Variants in CNGA3 observed in about 807,000 individuals in gnomAD.
The protein encoded by CNGA3 is cyclic nucleotide-gated channel alpha-3.
A neutral mutation model predicts 46.6 loss-of-function variants in CNGA3; 42 were observed. The observed-to-expected ratio is 0.90, with a 90% CI of 0.70 to 1.17. The LOEUF is 1.17. Among genes scored for constraint, CNGA3 ranks in the 50% most tolerant of loss-of-function variants. The pLI is 0.00. For synonymous variants in CNGA3, 394 were observed against 369.4 expected, an observed-to-expected ratio of 1.07 and a Z score of -0.76; for missense variants, 893 against 890.7, an observed-to-expected ratio of 1.00 and a Z score of -0.03.
chr2:98,385,877 C>G (rs563525472), intron 5 of CNGA3, among the ~76,000 whole-genome samples: 18 of 152,060 alleles, frequency 1.2e-4, no homozygotes, highest in Non-Finnish European at 2.5e-4. Context: ...GGGTAGGTGC[C>G]GTAAACAACC....
chr2:98,393,501 A>G (rs1369374303), intron 7 of CNGA3, among the ~76,000 whole-genome samples: 1 of 152,140 alleles, frequency 6.6e-6, no homozygotes, highest in Non-Finnish European at 1.5e-5. Flanking sequence ...TTGCTTCCAC[A>G]CTGGTGCCTA....
intron 1 of CNGA3, 138 bp downstream of exon 1, chr2:98,346,672 G>T: frequency 2.6e-6 from 1 of 390,126 alleles, no homozygotes. Context: ...AGGGGCGGGC[G>T]CGGCGCTGTC....
intron 2 of CNGA3, among the ~76,000 whole-genome samples, chr2:98,375,097 C>T (rs896452055): frequency 2.0e-5 from 3 of 152,334 alleles, no homozygotes; most frequent in South Asian, 2.1e-4. Context: ...TCATAGATCC[C>T]GCCCATATGC....
chr2:98,394,830 G>A (rs1050152633), intron 7 of CNGA3, among the ~76,000 whole-genome samples: 2 of 152,196 alleles, frequency 1.3e-5, no homozygotes, highest in African/African-American at 4.8e-5. Flanking sequence ...TGCCCAGATA[G>A]CTGTAATTTC....
rs973394531 is a variant in CNGA3, at chr2:98,398,019, A to T, written c.*764A>T. 1 of 152,834 alleles carries T rather than the reference A, an allele frequency of 6.5e-6. No individual in the cohort carries two copies. Among genetic ancestry groups the T allele is most frequent in the Admixed American group, 6.5e-5 (1 of 15,370 alleles). The allele number at this position is 152,834 out of a possible 1,614,324, so 9.5% of individuals were successfully genotyped here. On this transcript the variant is annotated 3_prime_UTR_variant, in exon 8 of 8. Coordinates refer to ENST00000272602, the MANE Select transcript of CNGA3 (RefSeq NM_001298.3). ...AGACAGCCCCTATCCTCCATTCTTG[A>T]GTCAGGGCCCTAGGTGACCTATTCT...
chr2:98,384,088 A>G (rs1020536390), intron 5 of CNGA3, among the ~76,000 whole-genome samples: 1 of 151,828 alleles, frequency 6.6e-6, no homozygotes, highest in African/African-American at 2.4e-5. Flanking sequence ...GGGGGGTTTC[A>G]CCGTGTTAGC....
chr2:98,391,476 T>C (rs1692786311), intron 6 of CNGA3, among the ~76,000 whole-genome samples: 1 of 152,230 alleles, frequency 6.6e-6, no homozygotes, highest in African/African-American at 2.4e-5. Flanking sequence ...GTCTGTTCCA[T>C]TGTTAATCTC....
chr2:98,377,736 G>A lies in CNGA3; in HGVS notation c.151G>A (p.Ala51Thr), dbSNP rs770052346. ...ETSSVLQPGIAMETRGLADSG... is the reference protein window; with the variant it reads ...ETSSVLQPGITMETRGLADSG... Reference sequence around the variant, plus strand: ...ATCGTCAGTGCTGCAGCCGGGGATCGCCATGGAGACCAGAGGACTGGCTGA... The same window carrying A: ...ATCGTCAGTGCTGCAGCCGGGGATCACCATGGAGACCAGAGGACTGGCTGA... The change falls in exon 3 of 8, where the codon GCC becomes ACC. Residue 51 changes from alanine (A) to threonine (T), a missense_variant. Transcript: ENST00000272602. 1.7e-5 allele frequency: 27 copies of A among 1,613,232 alleles called. No individual in the cohort carries two copies. Among genetic ancestry groups the A allele is most frequent in the Admixed American group, 1.0e-4 (6 of 59,992 alleles).
intron 1 of CNGA3, among the ~76,000 whole-genome samples, chr2:98,355,484 A>G (rs1214199160): frequency 3.9e-5 from 6 of 152,186 alleles, no homozygotes. Flanking sequence ...ACTTTTAATA[A>G]TCAACTGGGC....
At chr2:98,350,661 A>C (rs1691751570) in intron 1 of CNGA3, 1 of 152,232 alleles carries the variant, frequency 6.6e-6, no homozygotes, top group South Asian at 2.1e-4. Context: ...CTTTCTAGGC[A>C]TGAGACAAGC....
At chr2:98,352,263 T>C (rs371956381) in intron 1 of CNGA3, among the ~76,000 whole-genome samples, 1 of 152,232 alleles carries the variant, frequency 6.6e-6, no homozygotes, top group Non-Finnish European at 1.5e-5. Context: ...CTACATTTTG[T>C]TTATCCATTT....
rs868495714 is a variant in CNGA3, at chr2:98,396,264, C to T, written c.1094C>T (p.Thr365Ile). The T allele has an allele frequency of 1.9e-6, 3 of 1,612,446 alleles. No individual in the cohort carries two copies. The highest frequency in any genetic ancestry group is 1.3e-5 in the African/African-American group (1 of 74,950). ...SLYWSTLTLT[T>I]IGETPPPVKD... ...TACTGGTCCACCTTGACCCTTACCA[C>T]CATTGGTGAGACCCCACCCCCCGTG... The change falls in exon 8 of 8, where the codon ACC becomes ATC. Residue 365 changes from threonine to isoleucine, a missense_variant. Physicochemically the swap from Thr to Ile is moderately conservative, Grantham distance 89. This residue lies in a region of CNGA3 where 548 missense variants were observed against 570.8 expected (regional missense o/e 0.96). Transcript: ENST00000272602.
In CNGA3 at chr2:98,370,030, A is replaced by G. The variant is rs1692250117; in HGVS notation, c.55A>G (p.Lys19Glu). ...CCCCTCCAGGACCCACCTCAAGGTA[A>G]AGACCTCAGACCGAGATCTCAATCG... The part of the protein sequence containing the change: ...SHPSRTHLKV[K>E]TSDRDLNRAE... The change falls in exon 2 of 8, where the codon AAG becomes GAG. Residue 19 changes from lysine (K) to glutamate (E), a missense_variant. By Grantham distance (56) the Lys-to-Glu change is moderately conservative (BLOSUM62 1). Transcript: ENST00000272602. 1 of 1,614,070 alleles carries G rather than the reference A, an allele frequency of 6.2e-7. No homozygotes were observed. The highest frequency in any genetic ancestry group is 8.5e-7 in the Non-Finnish European group (1 of 1,179,978).
chr2:98,360,087 T>G (rs1010599623), intron 1 of CNGA3, among the ~76,000 whole-genome samples: 2 of 152,248 alleles, frequency 1.3e-5, no homozygotes, highest in African/African-American at 4.8e-5. Flanking sequence ...TCAATGACTT[T>G]GCACTCTCAG....
chr2:98,352,208 G>T (rs772976661), intron 1 of CNGA3, among the ~76,000 whole-genome samples: 1 of 151,828 alleles, frequency 6.6e-6, no homozygotes, highest in Non-Finnish European at 1.5e-5. Flanking sequence ...CTTTCCTATC[G>T]CCAAATAAGA....
At chr2:98,380,583 C>G (rs895125386) in intron 4 of CNGA3, among the ~76,000 whole-genome samples, 1 of 152,032 alleles carries the variant, frequency 6.6e-6, no homozygotes, top group Non-Finnish European at 1.5e-5. Context: ...ACCAGAGCCC[C>G]CAGCCTCATT....
intron 7 of CNGA3, among the ~76,000 whole-genome samples, chr2:98,394,436 G>A (rs1692862458): frequency 6.6e-6 from 1 of 152,054 alleles, no homozygotes; most frequent in African/African-American, 2.4e-5. Flanking sequence ...ATTGCTGACT[G>A]GTGAAATCAA....
intron 2 of CNGA3, among the ~76,000 whole-genome samples, chr2:98,371,575 C>G (rs1692289659): frequency 6.6e-6 from 1 of 152,204 alleles, no homozygotes; most frequent in Non-Finnish European, 1.5e-5. Flanking sequence ...ACCATTTTAA[C>G]TCGGTGCTGG....
At chr2:98,385,577 A>G (rs1692636396) in intron 5 of CNGA3, among the ~76,000 whole-genome samples, 1 of 152,108 alleles carries the variant, frequency 6.6e-6, no homozygotes, top group African/African-American at 2.4e-5. Flanking sequence ...AGATTGATAC[A>G]ATATATTTTA....
Sources: gnomAD v4.1 joint callset for allele counts (sites outside exome capture counted in the v4.1 genomes callset) on GRCh38, gnomAD v4.1.1 for gene constraint, gnomAD v4.1.1 regional missense constraint, MANE v1.5 for transcripts, NCBI Gene and HGNC (gene_info 2026-07-23, HGNC 2026-07-21) for gene names.